OR56B1: variants seen among roughly 807,000 people sequenced by gnomAD.
OR56B1 encodes the protein olfactory receptor family 56 subfamily B member 1.
A neutral mutation model predicts 11.4 loss-of-function variants in OR56B1; 13 were observed. The observed-to-expected ratio is 1.14, with a 90% CI of 0.74 to 1.81. OR56B1 has a LOEUF of 1.81. OR56B1 is among the 40% of genes most tolerant of loss of function. OR56B1 has a pLI of 0.00. For missense variants in OR56B1, 434 were observed against 379.3 expected (o/e 1.14, Z -1.20); for synonymous variants, 158 against 143.6 (o/e 1.10, Z -0.72).
Position 5,736,943 on chromosome 11 carries a change from T to C in OR56B1, c.427T>C (p.Ser143Pro), listed in dbSNP as rs1476706521. ...TATTTGTCACCCTCTTCGCTATCCA[T>C]CAATTGTCACCAGTTCCTTAATCTT... is the stretch of plus-strand genomic sequence containing the variant. ...VAICHPLRYP[S>P]IVTSSLILKA... The change falls in exon 1 of 1, where the codon TCA becomes CCA. Residue 143 changes from serine to proline, a missense_variant. Physicochemically the swap from Ser to Pro is moderately conservative, Grantham distance 74. Coordinates refer to ENST00000317121, the MANE Select transcript of OR56B1 (RefSeq NM_001005180.3). 2 of 1,614,086 alleles carry C rather than the reference T, an allele frequency of 1.2e-6. No individual in the cohort carries two copies. Among genetic ancestry groups the C allele is most frequent in the Admixed American group, 1.7e-5 (1 of 59,998 alleles).
In OR56B1 at chr11:5,737,416, T is replaced by C. The variant is rs4486660; in HGVS notation, c.900T>C (p.Tyr300=). Residue 300 remains tyrosine, a synonymous_variant, in exon 1 of 1, where the codon TAT becomes TAC. Coordinates refer to ENST00000317121, the MANE Select transcript of OR56B1 (RefSeq NM_001005180.3). ...CCCCTTCCCTCAACCCTACAGTTTA[T>C]GCACTTCAGACCAAAGAACTTAGGG... ...IIPPSLNPTV[Y]ALQTKELRAA... 91,203 of 1,613,960 alleles carry C rather than the reference T, an allele frequency of 0.057. 3,884 individuals are homozygous for C. The highest frequency in any genetic ancestry group is 0.19 in the East Asian group (8,601 of 44,870).
chr11:5,736,522 T>G lies in OR56B1; in HGVS notation c.6T>G (p.Asn2Lys). 1 of 1,613,376 alleles carries G rather than the reference T, an allele frequency of 6.2e-7. No homozygotes were observed. The highest frequency in any genetic ancestry group is 1.1e-5 in the South Asian group (1 of 91,064). Residue 2 changes from asparagine to lysine, a missense_variant, in exon 1 of 1, where the codon AAT (asparagine) becomes AAG (lysine). Physicochemically the swap from Asn to Lys is moderately conservative, Grantham distance 94. Transcript: ENST00000317121. Reference protein sequence around the residue: MNHMSASLKISN... With the variant: MKHMSASLKISN... ...TTTGAAATTCATGTTGAATCATGAATCATATGTCTGCATCTCTCAAAATCT... is the reference window on the plus strand; with the variant it reads ...TTTGAAATTCATGTTGAATCATGAAGCATATGTCTGCATCTCTCAAAATCT...
rs1169001647 is a variant in OR56B1, at chr11:5,738,404, G to C, written c.*913G>C. 2 of 152,152 alleles carry C rather than the reference G, an allele frequency of 1.3e-5. No individual in the cohort carries two copies. Among genetic ancestry groups the C allele is most frequent in the African/African-American group, 4.8e-5 (2 of 41,424 alleles). 9.4% of individuals were successfully genotyped at this position (152,152 alleles called of 1,614,324 possible). On this transcript the variant is annotated 3_prime_UTR_variant, in exon 1 of 1. Transcript: ENST00000317121. ...CCTTCTTTCTTCAGGCCAAGGGGCT[G>C]ATAAAGGCTTCCTGATAGTAGTCTC... is the stretch of plus-strand genomic sequence containing the variant.
chr11:5,736,875 A>G lies in OR56B1; in HGVS notation c.359A>G (p.Glu120Gly). Residue 120 changes from glutamate to glycine, a missense_variant, in exon 1 of 1, where the codon GAG (glutamate) becomes GGG (glycine). Glu to Gly is a moderately conservative substitution (Grantham distance 98, BLOSUM62 -2). Coordinates refer to ENST00000317121, the MANE Select transcript of OR56B1 (RefSeq NM_001005180.3). ...GCCATTCACTTCTTTGTGGGCATGGAGTCTGGTATCCTACTCTGCATGGCT... is the reference window on the plus strand; with the variant it reads ...GCCATTCACTTCTTTGTGGGCATGGGGTCTGGTATCCTACTCTGCATGGCT... ...IYAIHFFVGMESGILLCMAFD... is the reference protein window; with the variant it reads ...IYAIHFFVGMGSGILLCMAFD... 6.2e-7 allele frequency: 1 copy of G among 1,613,950 alleles called. No individual in the cohort carries two copies. The highest frequency in any genetic ancestry group is 8.5e-7 in the Non-Finnish European group (1 of 1,179,968).
In OR56B1 at chr11:5,736,674, T is replaced by G. The variant is rs1333319260; in HGVS notation, c.158T>G (p.Leu53Arg). Residue 53 changes from leucine to arginine, a missense_variant, in exon 1 of 1, where the codon CTC becomes CGC. Transcript: ENST00000317121. ...CTCTCAGCACTTGCTGCAAACACCC[T>G]CATCCTCATCATCATCTGGCAGAAC... is the stretch of plus-strand genomic sequence containing the variant. The part of the protein sequence containing the change: ...LYLSALAANT[L>R]ILIIIWQNPS... 5.0e-6 allele frequency: 8 copies of G among 1,613,846 alleles called. No homozygotes were observed. The highest frequency in any genetic ancestry group is 6.8e-6 in the Non-Finnish European group (8 of 1,179,954).
rs751270830 is a variant in OR56B1 at position 5,736,708 on chromosome 11, A to G, written c.192A>G (p.Leu64=). 1 of 1,613,980 alleles carries G rather than the reference A, an allele frequency of 6.2e-7. No individual in the cohort carries two copies. The highest frequency in any genetic ancestry group is 1.1e-5 in the South Asian group (1 of 91,082). Residue 64 remains leucine (L), a synonymous_variant, in exon 1 of 1, where the codon TTA becomes TTG. Transcript: ENST00000317121. ...ILIIIWQNPS[L]QQPMYIFLGI... Reference sequence around the variant, plus strand: ...TCATCATCTGGCAGAACCCTTCTTTACAGCAGCCCATGTATATTTTCCTTG... The same window carrying G: ...TCATCATCTGGCAGAACCCTTCTTTGCAGCAGCCCATGTATATTTTCCTTG...
rs1853950424 is a variant in OR56B1, at chr11:5,737,870, A to C, written c.*379A>C. The C allele has an allele frequency of 6.0e-6, 1 of 166,966 alleles. No homozygotes were observed. 10.3% of individuals were successfully genotyped at this position (166,966 alleles called of 1,614,324 possible). On this transcript the variant is annotated 3_prime_UTR_variant, in exon 1 of 1. Coordinates refer to ENST00000317121, the MANE Select transcript of OR56B1 (RefSeq NM_001005180.3). ...CATGAATCACAGGTCATGCTTGCGCATTGTTAGCTGTAACTTGGGAGCTGT... is the reference window on the plus strand; with the variant it reads ...CATGAATCACAGGTCATGCTTGCGCCTTGTTAGCTGTAACTTGGGAGCTGT...
rs1446040727 is a variant in OR56B1, at chr11:5,736,921, T to G, written c.405T>G (p.Ile135Met). 1 of 1,613,948 alleles carries G rather than the reference T, an allele frequency of 6.2e-7. No homozygotes were observed. The highest frequency in any genetic ancestry group is 8.5e-7 in the Non-Finnish European group (1 of 1,179,984). Residue 135 changes from isoleucine (I) to methionine (M), a missense_variant, in exon 1 of 1, where the codon ATT becomes ATG. Physicochemically the swap from Ile to Met is conservative, Grantham distance 10. Coordinates refer to ENST00000317121, the MANE Select transcript of OR56B1 (RefSeq NM_001005180.3). ...LCMAFDRYVAICHPLRYPSIV... is the reference protein window; with the variant it reads ...LCMAFDRYVAMCHPLRYPSIV... ...TGGCTTTTGATAGATATGTGGCTAT[T>G]TGTCACCCTCTTCGCTATCCATCAA...
At position 5,737,102 on chromosome 11, in the gene OR56B1, C is replaced by T; in HGVS notation, c.586C>T (p.Leu196=). The change falls in exon 1 of 1, where the codon CTG becomes TTG. Residue 196 remains leucine (L), a synonymous_variant. Coordinates refer to ENST00000317121, the MANE Select transcript of OR56B1 (RefSeq NM_001005180.3). ...CLCSNLGVTS[L]ACDDRRPNSI... The stretch of plus-strand genomic sequence containing the variant: ...GTGCTCTAACCTTGGGGTCACAAGC[C>T]TGGCTTGTGATGACAGGAGGCCAAA... The T allele has an allele frequency of 1.9e-6, 3 of 1,614,004 alleles. No homozygotes were observed. The highest frequency in any genetic ancestry group is 2.5e-6 in the Non-Finnish European group (3 of 1,180,008).
rs199587977 is a variant in OR56B1, at chr11:5,737,050, C to G, written c.534C>G (p.Cys178Trp). ...TGCTTGCAGCACAGCGTGATTATTGCTCCAAGAATGAAATTGAACACTGCC... is the reference window on the plus strand; with the variant it reads ...TGCTTGCAGCACAGCGTGATTATTGGTCCAAGAATGAAATTGAACACTGCC... ...VPVLAAQRDY[C>W]SKNEIEHCLC... Residue 178 changes from cysteine to tryptophan, a missense_variant, in exon 1 of 1, where the codon TGC becomes TGG. Coordinates refer to ENST00000317121, the MANE Select transcript of OR56B1 (RefSeq NM_001005180.3). The G allele has an allele frequency of 6.2e-7, 1 of 1,614,104 alleles. No individual in the cohort carries two copies. The highest frequency in any genetic ancestry group is 8.5e-7 in the Non-Finnish European group (1 of 1,180,004).
At position 5,737,304 on chromosome 11, in the gene OR56B1, T is replaced by A. The variant is rs752161275; in HGVS notation, c.788T>A (p.Ile263Asn). 1.2e-6 allele frequency: 2 copies of A among 1,614,104 alleles called. No individual in the cohort carries two copies. Among genetic ancestry groups the A allele is most frequent in the Non-Finnish European group, 8.5e-7 (1 of 1,179,958 alleles). ...ACCCTCATCCTTTTCTTTTACACTA[T>A]TGTTGTAGTGATTTCAGTGACTCAT... ...HLTLILFFYT[I>N]VVVISVTHLT... Residue 263 changes from isoleucine (I) to asparagine (N), a missense_variant, in exon 1 of 1, where the codon ATT becomes AAT. By Grantham distance (149) the Ile-to-Asn change is moderately radical. Transcript: ENST00000317121.
chr11:5,736,669 C>A lies in OR56B1; in HGVS notation c.153C>A (p.Asn51Lys), dbSNP rs774472183. Reference sequence around the variant, plus strand: ...TGTATCTCTCAGCACTTGCTGCAAACACCCTCATCCTCATCATCATCTGGC... The same window carrying A: ...TGTATCTCTCAGCACTTGCTGCAAAAACCCTCATCCTCATCATCATCTGGC... ...ALLYLSALAA[N>K]TLILIIIWQN... The change falls in exon 1 of 1, where the codon AAC becomes AAA. Residue 51 changes from asparagine (N) to lysine (K), a missense_variant. Asn to Lys is a moderately conservative substitution (Grantham distance 94, BLOSUM62 0). Coordinates refer to ENST00000317121, the MANE Select transcript of OR56B1 (RefSeq NM_001005180.3). 1.1e-5 allele frequency: 18 copies of A among 1,613,900 alleles called. No individual in the cohort carries two copies. Among genetic ancestry groups the A allele is most frequent in the Admixed American group, 1.7e-5 (1 of 59,936 alleles).
chr11:5,737,357 C>T lies in OR56B1; in HGVS notation c.841C>T (p.Pro281Ser). The T allele has an allele frequency of 1.9e-6, 3 of 1,614,058 alleles. No individual in the cohort carries two copies. Among genetic ancestry groups the T allele is most frequent in the African/African-American group, 1.3e-5 (1 of 75,030 alleles). Residue 281 changes from proline (P) to serine (S), a missense_variant, in exon 1 of 1, where the codon CCA becomes TCA. Transcript: ENST00000317121. The part of the protein sequence containing the change: ...HLTEMKATLI[P>S]VLLNVLHNII... ...GACAGAGATGAAGGCTACTTTGATT[C>T]CAGTTCTACTTAATGTGTTGCACAA...
Position 5,736,779 on chromosome 11 carries a change from C to A in OR56B1, c.263C>A (p.Pro88His). The A allele has an allele frequency of 6.2e-7, 1 of 1,614,064 alleles. No homozygotes were observed. The highest frequency in any genetic ancestry group is 8.5e-7 in the Non-Finnish European group (1 of 1,180,004). The change falls in exon 1 of 1, where the codon CCT (proline) becomes CAT (histidine). Residue 88 changes from proline to histidine, a missense_variant. Pro to His is a moderately conservative substitution (Grantham distance 77). Coordinates refer to ENST00000317121, the MANE Select transcript of OR56B1 (RefSeq NM_001005180.3). ...ATGGGTCTGGCCACTACTATCATCCCTAAGATCCTGGCCATCTTCTGGTTT... is the reference window on the plus strand; with the variant it reads ...ATGGGTCTGGCCACTACTATCATCCATAAGATCCTGGCCATCTTCTGGTTT... ...VDMGLATTII[P>H]KILAIFWFDA...
chr11:5,737,999 G>C lies in OR56B1; in HGVS notation c.*508G>C, dbSNP rs1444155827. Reference sequence around the variant, plus strand: ...TTCAGATAAAGCCAAATCAGTCAATGATGAGGATTTATGTGGAATATGAGA... The same window carrying C: ...TTCAGATAAAGCCAAATCAGTCAATCATGAGGATTTATGTGGAATATGAGA... On this transcript the variant is annotated 3_prime_UTR_variant, in exon 1 of 1. Coordinates refer to ENST00000317121, the MANE Select transcript of OR56B1 (RefSeq NM_001005180.3). 2.6e-5 allele frequency: 4 copies of C among 156,082 alleles called. No homozygotes were observed. The highest frequency in any genetic ancestry group is 9.6e-5 in the African/African-American group (4 of 41,470). The allele number at this position is 156,082 out of a possible 1,614,324, so 9.7% of individuals were successfully genotyped here. A position where few individuals can be genotyped will look rare whatever the true frequency, so the allele number is the denominator to read the frequency against.
rs1853950201 is a variant in OR56B1, at chr11:5,737,861, T to C, written c.*370T>C. The C allele has an allele frequency of 5.9e-6, 1 of 170,752 alleles. No individual in the cohort carries two copies. The highest frequency in any genetic ancestry group is 1.3e-5 in the Non-Finnish European group (1 of 78,748). The allele number at this position is 170,752 out of a possible 1,614,324, so 10.6% of individuals were successfully genotyped here. ...TGATTGGGACATGAATCACAGGTCA[T>C]GCTTGCGCATTGTTAGCTGTAACTT... On this transcript the variant is annotated 3_prime_UTR_variant, in exon 1 of 1. Coordinates refer to ENST00000317121, the MANE Select transcript of OR56B1 (RefSeq NM_001005180.3).
At position 5,737,299 on chromosome 11, in the gene OR56B1, C is replaced by T. The variant is rs530934947; in HGVS notation, c.783C>T (p.Tyr261=). 3 of 1,614,102 alleles carry T rather than the reference C, an allele frequency of 1.9e-6. No homozygotes were observed. The South Asian group carries it at 3.3e-5, about 18-fold the overall frequency. Residue 261 remains tyrosine (Y), a synonymous_variant, in exon 1 of 1, where the codon TAC becomes TAT. Transcript: ENST00000317121. ...SSHLTLILFF[Y]TIVVVISVTH... is the part of the protein sequence containing the mutation. The stretch of plus-strand genomic sequence containing the variant: ...ATCTCACCCTCATCCTTTTCTTTTA[C>T]ACTATTGTTGTAGTGATTTCAGTGA...
chr11:5,736,979 C>G lies in OR56B1; in HGVS notation c.463C>G (p.Leu155Val), dbSNP rs1182045432. 4 of 1,614,154 alleles carry G rather than the reference C, an allele frequency of 2.5e-6. No homozygotes were observed. The East Asian group carries it at 8.9e-5, about 36-fold the overall frequency. ...VTSSLILKATLFMVLRNGLFV... is the reference protein window; with the variant it reads ...VTSSLILKATVFMVLRNGLFV... ...CAGTTCCTTAATCTTAAAAGCTACCCTGTTCATGGTGCTGAGAAATGGCTT... is the reference window on the plus strand; with the variant it reads ...CAGTTCCTTAATCTTAAAAGCTACCGTGTTCATGGTGCTGAGAAATGGCTT... The change falls in exon 1 of 1, where the codon CTG becomes GTG. Residue 155 changes from leucine to valine, a missense_variant. Leu to Val is a conservative substitution (Grantham distance 32). Coordinates refer to ENST00000317121, the MANE Select transcript of OR56B1 (RefSeq NM_001005180.3).
chr11:5,736,521 A>G lies in OR56B1; in HGVS notation c.5A>G (p.Asn2Ser). Residue 2 changes from asparagine to serine, a missense_variant, in exon 1 of 1, where the codon AAT becomes AGT. Asn to Ser is a conservative substitution (Grantham distance 46). Coordinates refer to ENST00000317121, the MANE Select transcript of OR56B1 (RefSeq NM_001005180.3). Reference protein sequence around the residue: MNHMSASLKISN... With the variant: MSHMSASLKISN... ...ATTTGAAATTCATGTTGAATCATGA[A>G]TCATATGTCTGCATCTCTCAAAATC... 2 of 1,613,448 alleles carry G rather than the reference A, an allele frequency of 1.2e-6. No homozygotes were observed. Among genetic ancestry groups the G allele is most frequent in the Non-Finnish European group, 1.7e-6 (2 of 1,179,422 alleles).
Sources: gnomAD v4.1 joint callset for allele counts on GRCh38, gnomAD v4.1.1 for gene constraint, MANE v1.5 for transcripts, NCBI Gene and HGNC (gene_info 2026-07-23, HGNC 2026-07-21) for gene names.